GRIK1: variants seen among roughly 807,000 people sequenced by gnomAD.
The protein encoded by GRIK1 is glutamate ionotropic receptor kainate type subunit 1.
In GRIK1, 69 loss-of-function variants were observed where a neutral mutation model predicts 105.7. That is an observed-to-expected ratio of 0.65 (90% CI 0.54 to 0.80). The LOEUF is 0.80. GRIK1 is among the 30% of genes least tolerant of loss of function. The pLI, the probability that GRIK1 is intolerant of heterozygous loss-of-function variation, is 0.00. For synonymous variants in GRIK1, 438 were observed against 431.3 expected (o/e 1.02, Z -0.19); for missense variants, 1,109 against 1,167.3 (o/e 0.95, Z 0.73).
At chr21:29,549,863 T>C (rs572536707) in intron 16 of GRIK1, among the ~76,000 whole-genome samples, 1 of 151,860 alleles carries the variant, frequency 6.6e-6, no homozygotes, top group South Asian at 2.1e-4. Flanking sequence ...TCTCAGCACT[T>C]TGGGGGGCCG....
chr21:29,795,611 T>C (rs982057912), intron 1 of GRIK1, among the ~76,000 whole-genome samples: 5 of 152,220 alleles, frequency 3.3e-5, no homozygotes, highest in Non-Finnish European at 5.9e-5. Context: ...TTTTTTATAA[T>C]AGTTTCTCAG....
intron 6 of GRIK1, among the ~76,000 whole-genome samples, chr21:29,649,953 T>G (rs1354651541): frequency 6.6e-6 from 1 of 152,212 alleles, no homozygotes; most frequent in Non-Finnish European, 1.5e-5. Context: ...TCTATTAGCG[T>G]GCTTCTCCCT....
chr21:29,718,291 T>C (rs1240552274), intron 1 of GRIK1, among the ~76,000 whole-genome samples: 1 of 152,228 alleles, frequency 6.6e-6, no homozygotes, highest in East Asian at 1.9e-4. Context: ...TGTCACATAG[T>C]TGGCAAATGT....
chr21:29,856,854 G>A (rs1258285697), intron 1 of GRIK1, among the ~76,000 whole-genome samples: 5 of 152,116 alleles, frequency 3.3e-5, no homozygotes, highest in African/African-American at 9.7e-5. Flanking sequence ...CACTGAGAGA[G>A]CAGTATTTTA....
At chr21:29,890,669 A>G (rs944353438) in intron 1 of GRIK1, among the ~76,000 whole-genome samples, 1 of 152,168 alleles carries the variant, frequency 6.6e-6, no homozygotes, top group African/African-American at 2.4e-5. Context: ...GTATTTTAAC[A>G]GGAAGTGCCA....
At chr21:29,549,343 T>TG (rs775225804) in intron 16 of GRIK1, among the ~76,000 whole-genome samples, 4 of 152,124 alleles carry the variant, frequency 2.6e-5, no homozygotes, top group Non-Finnish European at 5.9e-5. Context: ...TTAGGATTGT[T>TG]GGGGAAAAAA....
intron 1 of GRIK1, among the ~76,000 whole-genome samples, chr21:29,782,181 G>A (rs1328325559): frequency 1.3e-5 from 2 of 150,656 alleles, no homozygotes; most frequent in East Asian, 4.0e-4. Context: ...CTGCCTCCCG[G>A]GTTCACGCCA....
chr21:29,833,828 C>T (rs562934168), intron 1 of GRIK1, among the ~76,000 whole-genome samples: 2 of 152,232 alleles, frequency 1.3e-5, no homozygotes, highest in South Asian at 4.2e-4. Flanking sequence ...ACAGCACACA[C>T]CACTCCCCTT....
At position 29,642,944 on chromosome 21, in the gene GRIK1, G is replaced by A. The variant is rs147322422; in HGVS notation, c.980C>T (p.Ala327Val). The stretch of plus-strand genomic sequence containing the variant: ...CGAGGCAATGGCCACCATGTACACA[G>A]CATCGTACATCAGAGCCGCTTCAGT... Reference protein sequence around the residue: ...MTTEAALMYDAVYMVAIASHR... With the variant: ...MTTEAALMYDVVYMVAIASHR... The change falls in exon 7 of 18, where the codon GCT becomes GTT. Residue 327 changes from alanine to valine, a missense_variant. Around this residue, in one of 5 missense-constraint regions of GRIK1, gnomAD observed 612 missense variants for 586.0 expected, o/e 1.04. Transcript: ENST00000327783. The A allele has an allele frequency of 3.1e-6, 5 of 1,613,922 alleles. No homozygotes were observed. Among genetic ancestry groups the A allele is most frequent in the Non-Finnish European group, 1.7e-6 (2 of 1,179,910 alleles).
rs1232031866 is a variant in GRIK1 at position 29,587,426 on chromosome 21, A to G, written c.1733T>C (p.Ile578Thr). Residue 578 changes from isoleucine (I) to threonine (T), a missense_variant, in exon 12 of 18, where the codon ATT becomes ACT. Around this residue, in one of 5 missense-constraint regions of GRIK1, gnomAD observed 264 missense variants for 306.9 expected, o/e 0.86. Transcript: ENST00000327783. ...GCAGGCTAAGAGCACATACATCCAA[A>G]TATCTGGAGACAGGGGGTTGAGGAA... ...FSFLNPLSPD[I>T]WMYVLLACLG... 9.9e-6 allele frequency: 16 copies of G among 1,613,824 alleles called. No homozygotes were observed. Among genetic ancestry groups the G allele is most frequent in the Non-Finnish European group, 1.4e-5 (16 of 1,179,886 alleles).
intron 1 of GRIK1, among the ~76,000 whole-genome samples, chr21:29,899,664 G>A (rs1355868117): frequency 1.3e-5 from 2 of 151,838 alleles, no homozygotes; most frequent in Non-Finnish European, 2.9e-5. Flanking sequence ...AACCTCAAGG[G>A]GACTGATTAT....
At chr21:29,816,889 T>C (rs537614613) in intron 1 of GRIK1, among the ~76,000 whole-genome samples, 1 of 152,266 alleles carries the variant, frequency 6.6e-6, no homozygotes, top group African/African-American at 2.4e-5. Context: ...AGGGTGACTA[T>C]AGTTAACAAC....
chr21:29,890,264 G>T (rs569394854), intron 1 of GRIK1, among the ~76,000 whole-genome samples: 62 of 152,168 alleles, frequency 4.1e-4, no homozygotes, highest in African/African-American at 1.4e-3. Flanking sequence ...TCACAATCCA[G>T]TTTAAGTGCA....
intron 1 of GRIK1, among the ~76,000 whole-genome samples, chr21:29,821,059 A>AG (rs1317320857): frequency 2.8e-5 from 4 of 144,920 alleles, no homozygotes; most frequent in Non-Finnish European, 6.0e-5. Flanking sequence ...ACACACAGTA[A>AG]AAAAAAAAAA....
intron 1 of GRIK1, among the ~76,000 whole-genome samples, chr21:29,806,089 T>C (rs1193464876): frequency 6.6e-6 from 1 of 152,196 alleles, no homozygotes; most frequent in Admixed American, 6.6e-5. Context: ...ATAAACAGTC[T>C]TACATTTACT....
At chr21:29,593,178 G>A (rs560699752) in intron 9 of GRIK1, among the ~76,000 whole-genome samples, 6 of 152,234 alleles carry the variant, frequency 3.9e-5, no homozygotes, top group Admixed American at 2.6e-4. Context: ...TAGTTGACTG[G>A]AGAAATAAAG....
intron 15 of GRIK1, among the ~76,000 whole-genome samples, chr21:29,560,323 CT>C (rs1568812673): frequency 4.1e-5 from 5 of 121,530 alleles, no homozygotes; most frequent in Admixed American, 8.8e-5. Flanking sequence ...TTCTTTCTTT[CT>C]TTCTTTCTTT....
intron 1 of GRIK1, among the ~76,000 whole-genome samples, chr21:29,743,037 ACTT>A (rs887340072): frequency 1.3e-4 from 17 of 131,536 alleles, no homozygotes; most frequent in African/African-American, 4.3e-4. Flanking sequence ...TCCCTTCCTC[ACTT>A]CTTTTTTTTT....
intron 1 of GRIK1, among the ~76,000 whole-genome samples, chr21:29,695,253 G>A (rs1255614377): frequency 6.6e-6 from 1 of 152,144 alleles, no homozygotes; most frequent in African/African-American, 2.4e-5. Context: ...TGTTTTCTGA[G>A]AGACGTCCTA....
Sources: allele counts gnomAD v4.1 joint callset (sites outside exome capture counted in the v4.1 genomes callset), GRCh38; gene constraint gnomAD v4.1.1; regional missense constraint gnomAD v4.1.1; transcripts MANE v1.5; gene names NCBI Gene and HGNC (gene_info 2026-07-23, HGNC 2026-07-21).